The following CDKAL1 variants were observed in gnomAD, a reference collection of about 807,000 sequenced individuals.
CDKAL1 encodes the protein threonylcarbamoyladenosine tRNA methylthiotransferase.
Under a neutral mutation model 68.2 loss-of-function variants are expected in CDKAL1, and 32 were observed. The observed-to-expected ratio is 0.47, with a 90% CI of 0.35 to 0.63. CDKAL1 has a LOEUF of 0.63. CDKAL1 is among the 30% of genes least tolerant of loss of function. CDKAL1 has a pLI of 0.00. For synonymous variants in CDKAL1, 234 were observed against 244.3 expected, an observed-to-expected ratio of 0.96 and a Z score of 0.39; for missense variants, 606 against 696.7, an observed-to-expected ratio of 0.87 and a Z score of 1.47.
At chr6:21,078,569 C>T (rs1423721320) in intron 12 of CDKAL1, among the ~76,000 whole-genome samples, 1 of 152,214 alleles carries the variant, frequency 6.6e-6, no homozygotes, top group Non-Finnish European at 1.5e-5. Flanking sequence ...TACAGAGGAG[C>T]TCCTGCCTGC....
intron 11 of CDKAL1, among the ~76,000 whole-genome samples, chr6:21,031,025 G>C (rs917142165): frequency 1.3e-5 from 2 of 152,088 alleles, no homozygotes; most frequent in Non-Finnish European, 2.9e-5. Context: ...CATGGTTTCT[G>C]TGGACAGAAG....
chr6:21,228,803 T>C (rs1779848969), intron 15 of CDKAL1, among the ~76,000 whole-genome samples: 1 of 152,184 alleles, frequency 6.6e-6, no homozygotes, highest in African/African-American at 2.4e-5. Flanking sequence ...CACATATATG[T>C]GAGTGCTGTC....
intron 12 of CDKAL1, among the ~76,000 whole-genome samples, chr6:21,079,505 C>T (rs1772262017): frequency 6.6e-6 from 1 of 152,174 alleles, no homozygotes; most frequent in African/African-American, 2.4e-5. Flanking sequence ...TAAATCATTC[C>T]AAGTCCCAGA....
intron 12 of CDKAL1, among the ~76,000 whole-genome samples, chr6:21,071,931 A>G (rs896780093): frequency 1.3e-5 from 2 of 152,184 alleles, no homozygotes; most frequent in East Asian, 1.9e-4. Context: ...AGCATTTGCC[A>G]GTTTCCATAG....
chr6:21,211,474 T>C lies in CDKAL1; in HGVS notation c.1548+10200T>C, dbSNP rs117994224. On this transcript the variant is annotated intron_variant, in intron 15 of 15. Transcript: ENST00000274695. The stretch of plus-strand genomic sequence containing the variant: ...GAGCATCTAAGATGTACCATTTAGT[T>C]TGTAGTTTAGAGTCAGGTAGTTGTC... 6.8e-4 allele frequency among the ~76,000 whole-genome samples: 104 copies of C among 152,308 alleles called. No individual in the cohort carries two copies. In the East Asian group the frequency reaches 7.1e-3, roughly 10 times the overall value.
chr6:20,622,863 C>G (rs1767257027), intron 4 of CDKAL1, among the ~76,000 whole-genome samples: 1 of 151,922 alleles, frequency 6.6e-6, no homozygotes, highest in African/African-American at 2.4e-5. Context: ...TCTAGTACAA[C>G]TCTCATTTTA....
At chr6:20,598,116 C>A (rs1157370220) in intron 4 of CDKAL1, among the ~76,000 whole-genome samples, 1 of 152,162 alleles carries the variant, frequency 6.6e-6, no homozygotes, top group African/African-American at 2.4e-5. Context: ...GTAATAGGAA[C>A]TGCAGTCCTT....
At chr6:21,071,264 C>T (rs1050541582) in intron 12 of CDKAL1, among the ~76,000 whole-genome samples, 5 of 152,100 alleles carry the variant, frequency 3.3e-5, no homozygotes, top group African/African-American at 9.6e-5. Flanking sequence ...GCAGATTCCC[C>T]CATGCTGTTT....
At chr6:20,645,753 T>A (rs1022328480) in intron 4 of CDKAL1, among the ~76,000 whole-genome samples, 8 of 136,160 alleles carry the variant, frequency 5.9e-5, no homozygotes, top group African/African-American at 5.3e-5. Context: ...AATAAATAAA[T>A]AAAAATAAAT....
chr6:20,798,265 A>T (rs1003048476), intron 8 of CDKAL1, among the ~76,000 whole-genome samples: 1 of 152,148 alleles, frequency 6.6e-6, no homozygotes. Context: ...GTTCTAGGGT[A>T]AAAGAACTCT....
At chr6:20,781,405 T>G (rs1775425243) in intron 8 of CDKAL1, 140 bp downstream of exon 8, 2 of 688,264 alleles carry the variant, frequency 2.9e-6, no homozygotes, top group Non-Finnish European at 4.7e-6. Context: ...CAAATACAGT[T>G]TCTTCTGAAA....
At chr6:21,126,705 T>C (rs1221663354) in intron 13 of CDKAL1, among the ~76,000 whole-genome samples, 2 of 152,204 alleles carry the variant, frequency 1.3e-5, no homozygotes, top group Non-Finnish European at 2.9e-5. Flanking sequence ...ATGCTTAATC[T>C]GATAACCTGA....
At chr6:20,835,460 C>CCTTTG (rs1322366789) in intron 8 of CDKAL1, among the ~76,000 whole-genome samples, 5 of 150,182 alleles carry the variant, frequency 3.3e-5, no homozygotes, top group Admixed American at 1.3e-4. Context: ...TACTGGAACT[C>CCTTTG]CTTTGCTTTG....
In CDKAL1 at chr6:21,230,994, T is replaced by C; in HGVS notation, c.1695T>C (p.Ala565=). The C allele has an allele frequency of 6.2e-7, 1 of 1,611,396 alleles. No individual in the cohort carries two copies. The highest frequency in any genetic ancestry group is 8.5e-7 in the Non-Finnish European group (1 of 1,178,000). ...CGCTGAGGATGTCCGTGGGCTTGGC[T>C]CTGCTGGGTCTTCTTTTTGCTTTTT... The part of the protein sequence containing the change: ...DCALRMSVGL[A]LLGLLFAFFV... Residue 565 remains alanine, a synonymous_variant, in exon 16 of 16, where the codon GCT becomes GCC. Coordinates refer to ENST00000274695, the MANE Select transcript of CDKAL1 (RefSeq NM_017774.3).
chr6:20,579,766 TC>T (rs1765067226), intron 4 of CDKAL1, among the ~76,000 whole-genome samples: 1 of 152,170 alleles, frequency 6.6e-6, no homozygotes, highest in Non-Finnish European at 1.5e-5. Flanking sequence ...TCGTCCTTGA[TC>T]CTAGGGATGA....
chr6:20,793,283 T>C (rs1271391021), intron 8 of CDKAL1, among the ~76,000 whole-genome samples: 1 of 152,206 alleles, frequency 6.6e-6, no homozygotes, highest in African/African-American at 2.4e-5. Flanking sequence ...TTTAAAATTT[T>C]CCTACCTTAA....
At chr6:20,692,667 G>T (rs1469729044) in intron 5 of CDKAL1, among the ~76,000 whole-genome samples, 1 of 151,770 alleles carries the variant, frequency 6.6e-6, no homozygotes, top group African/African-American at 2.4e-5. Context: ...TATCAGTTTT[G>T]TACTTTTTTT....
intron 10 of CDKAL1, among the ~76,000 whole-genome samples, chr6:20,958,939 G>A (rs1348194266): frequency 2.6e-5 from 4 of 152,096 alleles, no homozygotes; most frequent in Non-Finnish European, 5.9e-5. Flanking sequence ...TTATATAAAG[G>A]AAAGCACCAA....
rs192204534 is a variant in CDKAL1, at chr6:21,073,137, A to C, written c.1236+7909A>C. Among the ~76,000 whole-genome samples the C allele has an allele frequency of 2.0e-3, 302 of 152,240 alleles. 1 individual carries two copies. Among genetic ancestry groups the C allele is most frequent in the African/African-American group, 6.8e-3 (283 of 41,542 alleles). ...GTAATATACATTTAAGATTCCTTTG[A>C]ATCTTTTCACGGCCTGATAGCTCAT... On this transcript the variant is annotated intron_variant, in intron 12 of 15. Coordinates refer to ENST00000274695, the MANE Select transcript of CDKAL1 (RefSeq NM_017774.3).
Sources: allele counts gnomAD v4.1 joint callset (sites outside exome capture counted in the v4.1 genomes callset), GRCh38; gene constraint gnomAD v4.1.1; transcripts MANE v1.5; gene names NCBI Gene and HGNC (gene_info 2026-07-23, HGNC 2026-07-21).